NAALADL2: variants seen among roughly 807,000 people sequenced by gnomAD.
The protein encoded by NAALADL2 is N-acetylated alpha-linked acidic dipeptidase like 2.
A neutral mutation model predicts 87.2 loss-of-function variants in NAALADL2; 76 were observed. That is an observed-to-expected ratio of 0.87 (90% CI 0.72 to 1.05). The LOEUF is 1.05. Among genes scored for constraint, NAALADL2 ranks in the 50% least tolerant of loss-of-function variants. The probability of loss-of-function intolerance (pLI) is 0.00; values close to 1 mark genes in which losing one functional copy is unlikely to be tolerated. For missense variants in NAALADL2, 1,089 were observed against 945.8 expected, an observed-to-expected ratio of 1.15 and a Z score of -1.99; for synonymous variants, 354 against 331.0, an observed-to-expected ratio of 1.07 and a Z score of -0.75.
chr3:174,920,682 C>A (rs1035489713), intron 1 of NAALADL2, among the ~76,000 whole-genome samples: 1 of 152,144 alleles, frequency 6.6e-6, no homozygotes, highest in African/African-American at 2.4e-5. Context: ...CTTTTATGAA[C>A]TTTTTCTTTG....
intron 3 of NAALADL2, among the ~76,000 whole-genome samples, chr3:174,766,683 A>T (rs1029018075): frequency 6.6e-6 from 1 of 152,016 alleles, no homozygotes; most frequent in African/African-American, 2.4e-5. Flanking sequence ...GAATCTTTTT[A>T]TCTGTTGTAG....
chr3:174,961,207 CT>C (rs1378170598), intron 1 of NAALADL2, among the ~76,000 whole-genome samples: 1 of 150,626 alleles, frequency 6.6e-6, no homozygotes, highest in Non-Finnish European at 1.5e-5. Flanking sequence ...TGGTCTCAAA[CT>C]TCTGTCTTCA....
At chr3:175,560,880 A>G (rs964653411) in intron 9 of NAALADL2, among the ~76,000 whole-genome samples, 2 of 152,188 alleles carry the variant, frequency 1.3e-5, no homozygotes, top group Admixed American at 1.3e-4. Context: ...TTGGCTTCCC[A>G]AAGTGCTGGG....
chr3:175,314,561 A>G (rs1758792537), intron 4 of NAALADL2, among the ~76,000 whole-genome samples: 2 of 63,190 alleles, frequency 3.2e-5, no homozygotes, highest in Non-Finnish European at 6.0e-5. Flanking sequence ...TTCACATTCT[A>G]ACTATATATA....
At chr3:174,786,532 G>C (rs1021516866) in intron 3 of NAALADL2, among the ~76,000 whole-genome samples, 5 of 151,828 alleles carry the variant, frequency 3.3e-5, no homozygotes, top group African/African-American at 9.7e-5. Context: ...TTTGGGTAGA[G>C]AGGATGATAG....
chr3:175,073,442 A>G (rs1411734814), intron 1 of NAALADL2, among the ~76,000 whole-genome samples: 2 of 152,076 alleles, frequency 1.3e-5, no homozygotes, highest in Non-Finnish European at 1.5e-5. Context: ...GAAAGTAGTC[A>G]TGTAGACAGT....
At chr3:175,368,975 A>G (rs1276366196) in intron 5 of NAALADL2, among the ~76,000 whole-genome samples, 1 of 152,132 alleles carries the variant, frequency 6.6e-6, no homozygotes, top group Non-Finnish European at 1.5e-5. Context: ...CTCTGGGTGG[A>G]TCTGTGAATG....
intron 2 of NAALADL2, among the ~76,000 whole-genome samples, chr3:175,161,571 C>T (rs1299735424): frequency 6.6e-6 from 1 of 152,068 alleles, no homozygotes; most frequent in African/African-American, 2.4e-5. Context: ...TCTTCAACTT[C>T]AGTAGTAGAT....
At chr3:174,827,532 A>G (rs527390863) in intron 3 of NAALADL2, among the ~76,000 whole-genome samples, 1 of 152,208 alleles carries the variant, frequency 6.6e-6, no homozygotes, top group South Asian at 2.1e-4. Context: ...GTACTCTTAG[A>G]TTCAGGTTAT....
chr3:174,498,199 C>G (rs1264702828), intron 1 of NAALADL2, among the ~76,000 whole-genome samples: 1 of 152,050 alleles, frequency 6.6e-6, no homozygotes, highest in Non-Finnish European at 1.5e-5. Flanking sequence ...TTACCTCTTG[C>G]CCTTCCCCTA....
At chr3:175,211,270 A>C (rs1326560387) in intron 2 of NAALADL2, among the ~76,000 whole-genome samples, 2 of 151,912 alleles carry the variant, frequency 1.3e-5, no homozygotes, top group Non-Finnish European at 2.9e-5. Flanking sequence ...CGTTTTATGC[A>C]CATGCTCAAA....
intron 3 of NAALADL2, among the ~76,000 whole-genome samples, chr3:174,839,569 G>A (rs1480984950): frequency 6.6e-6 from 1 of 152,056 alleles, no homozygotes. Context: ...CCCACAGAGT[G>A]AGAGAAAACC....
chr3:175,055,797 C>T (rs980626544), intron 1 of NAALADL2, among the ~76,000 whole-genome samples: 1 of 152,190 alleles, frequency 6.6e-6, no homozygotes, highest in East Asian at 1.9e-4. Context: ...AAAACAAGCT[C>T]CAGGAAACAA....
At chr3:175,309,857 G>A (rs1758153855) in intron 4 of NAALADL2, among the ~76,000 whole-genome samples, 2 of 152,066 alleles carry the variant, frequency 1.3e-5, no homozygotes, top group Admixed American at 1.3e-4. Context: ...ATTTGGCAGG[G>A]CAGATGTCAT....
chr3:175,556,225 A>T (rs73169460), intron 9 of NAALADL2, among the ~76,000 whole-genome samples: 37,919 of 152,014 alleles, frequency 0.25, 5,362 homozygotes, highest in African/African-American at 0.39. Flanking sequence ...ACAAGTATTT[A>T]AAAAATATTT....
Position 175,524,377 on chromosome 3 carries a change from C to T in NAALADL2, c.1654-51664C>T, listed in dbSNP as rs74330992. 3.3e-3 allele frequency among the ~76,000 whole-genome samples: 497 copies of T among 152,144 alleles called. 4 individuals are homozygous for T. The highest frequency in any genetic ancestry group is 0.011 in the African/African-American group (470 of 41,504). Reference sequence around the variant, plus strand: ...TCTTTGAATAATGATCTTATTCTGGCTTTAATTTGTTTCAAGCCTTTACTT... The same window carrying T: ...TCTTTGAATAATGATCTTATTCTGGTTTTAATTTGTTTCAAGCCTTTACTT... On this transcript the variant is annotated intron_variant, in intron 9 of 13. Coordinates refer to ENST00000454872, the MANE Select transcript of NAALADL2 (RefSeq NM_207015.3).
intron 1 of NAALADL2, among the ~76,000 whole-genome samples, chr3:175,046,665 AC>A (rs777930418): frequency 2.0e-5 from 3 of 152,166 alleles, no homozygotes; most frequent in Admixed American, 1.3e-4. Flanking sequence ...CTTTTTAGGA[AC>A]TCAGCATATA....
At chr3:174,676,605 T>A (rs1405581964) in intron 2 of NAALADL2, among the ~76,000 whole-genome samples, 2 of 151,968 alleles carry the variant, frequency 1.3e-5, no homozygotes, top group Non-Finnish European at 2.9e-5. Context: ...AAGATTTTTC[T>A]TCATCTATAA....
At chr3:174,532,055 G>A (rs1163530187) in intron 1 of NAALADL2, among the ~76,000 whole-genome samples, 1 of 152,132 alleles carries the variant, frequency 6.6e-6, no homozygotes, top group Admixed American at 6.5e-5. Context: ...TGAAATCATT[G>A]CAAGTACAGT....
Sources: gnomAD v4.1 joint callset for allele counts (sites outside exome capture counted in the v4.1 genomes callset) on GRCh38, gnomAD v4.1.1 for gene constraint, MANE v1.5 for transcripts, NCBI Gene and HGNC (gene_info 2026-07-23, HGNC 2026-07-21) for gene names.